VAV3: variants seen among roughly 807,000 people sequenced by gnomAD.
The protein encoded by VAV3 is vav guanine nucleotide exchange factor 3, also known as guanine nucleotide exchange factor VAV3.
In VAV3, 94 loss-of-function variants were observed where a neutral mutation model predicts 131.2. The ratio of observed to expected loss-of-function variants is 0.72; its 90% CI spans 0.61 to 0.85. The LOEUF (loss-of-function observed/expected upper bound fraction) is 0.85. Ranked by LOEUF, VAV3 falls within the 40% of genes least tolerant of loss-of-function variation. The pLI, the probability that VAV3 is intolerant of heterozygous loss-of-function variation, is 0.00. For missense variants in VAV3, 939 were observed against 1,002.7 expected (o/e 0.94, Z 0.86); for synonymous variants, 349 against 342.0 (o/e 1.02, Z -0.22).
chr1:107,680,844 C>T (rs1173767607), intron 19 of VAV3, among the ~76,000 whole-genome samples: 1 of 152,150 alleles, frequency 6.6e-6, no homozygotes, highest in African/African-American at 2.4e-5. Flanking sequence ...AGCAAGTAAA[C>T]AGCTAAGGCC....
At chr1:107,710,360 G>A (rs893474548) in intron 15 of VAV3, among the ~76,000 whole-genome samples, 1 of 152,158 alleles carries the variant, frequency 6.6e-6, no homozygotes, top group Non-Finnish European at 1.5e-5. Flanking sequence ...GCAAATGTCA[G>A]TGCTTCAAAA....
At chr1:107,663,648 G>A (rs1657200419) in intron 19 of VAV3, among the ~76,000 whole-genome samples, 2 of 152,272 alleles carry the variant, frequency 1.3e-5, no homozygotes, top group South Asian at 4.2e-4. Context: ...GCAAAATGAA[G>A]CATTTGGTAG....
intron 19 of VAV3, among the ~76,000 whole-genome samples, chr1:107,669,757 GGAAGGCAGAAGAA>G (rs1394655113): frequency 6.6e-6 from 1 of 151,820 alleles, no homozygotes; most frequent in Non-Finnish European, 1.5e-5. Context: ...ATTTTAAATT[GGAAGGCAGAAGAA>G]AAGAGGTAAA....
chr1:107,637,854 T>C (rs968878266), intron 20 of VAV3, among the ~76,000 whole-genome samples: 1 of 152,184 alleles, frequency 6.6e-6, no homozygotes, highest in Non-Finnish European at 1.5e-5. Context: ...TGAAACAATA[T>C]ATAAAAAAGA....
At chr1:107,957,496 T>C (rs1266351338) in intron 1 of VAV3, among the ~76,000 whole-genome samples, 1 of 152,162 alleles carries the variant, frequency 6.6e-6, no homozygotes, top group Non-Finnish European at 1.5e-5. Context: ...AGGCTGTCAG[T>C]ATGAATTTGG....
chr1:107,841,675 T>G (rs560192851), intron 2 of VAV3, among the ~76,000 whole-genome samples: 1 of 152,220 alleles, frequency 6.6e-6, no homozygotes, highest in Non-Finnish European at 1.5e-5. Context: ...ATTCAAGTAT[T>G]ATTTTTCATT....
chr1:107,665,668 T>C (rs889589546), intron 19 of VAV3, among the ~76,000 whole-genome samples: 1 of 152,168 alleles, frequency 6.6e-6, no homozygotes, highest in African/African-American at 2.4e-5. Context: ...GCTAACTAGT[T>C]TTACATACCT....
At chr1:107,682,389 A>G (rs1462034979) in intron 19 of VAV3, among the ~76,000 whole-genome samples, 1 of 152,182 alleles carries the variant, frequency 6.6e-6, no homozygotes, top group African/African-American at 2.4e-5. Context: ...ATATACCCCT[A>G]CTGAAAATAA....
chr1:107,755,517 G>A lies in VAV3; in HGVS notation c.1087-4C>T, dbSNP rs753969300. The stretch of plus-strand genomic sequence containing the variant: ...CATTCACATATTGTGCCAAGTCCTA[G>A]ACAATAAAGAAAAGGGTAGAAAAAG... On this transcript the variant is annotated splice_region_variant and splice_polypyrimidine_tract_variant and intron_variant, in intron 11 of 26. Coordinates refer to ENST00000370056, the MANE Select transcript of VAV3 (RefSeq NM_006113.5). 6 of 1,607,246 alleles carry A rather than the reference G, an allele frequency of 3.7e-6. No individual in the cohort carries two copies. The highest frequency in any genetic ancestry group is 5.1e-6 in the Non-Finnish European group (6 of 1,175,438).
At chr1:107,817,437 A>C (rs937108763) in intron 2 of VAV3, among the ~76,000 whole-genome samples, 2 of 152,196 alleles carry the variant, frequency 1.3e-5, no homozygotes, top group African/African-American at 4.8e-5. Context: ...GAAACTGGAC[A>C]AGCTGGTTAG....
chr1:107,953,668 T>TAG (rs913442433), intron 1 of VAV3, among the ~76,000 whole-genome samples: 7 of 152,226 alleles, frequency 4.6e-5, no homozygotes, highest in African/African-American at 1.7e-4. Context: ...GATCTGGGAC[T>TAG]AGAACCCAGG....
rs1234186094 is a variant in VAV3, at chr1:107,919,498, T to A, written c.205-44481A>T. Among the ~76,000 whole-genome samples, 3 of 152,216 alleles carry A rather than the reference T, an allele frequency of 2.0e-5. No individual in the cohort carries two copies. The East Asian group carries it at 5.8e-4, about 29-fold the overall frequency. On this transcript the variant is annotated intron_variant, in intron 1 of 26. Transcript: ENST00000370056. ...AGTACAAAAAGTCTAAGAATTTATC[T>A]TCTACAAGACTATTGTTTTAAATAT...
intron 2 of VAV3, among the ~76,000 whole-genome samples, chr1:107,803,727 G>A (rs1361628893): frequency 6.6e-6 from 1 of 152,056 alleles, no homozygotes; most frequent in East Asian, 1.9e-4. Context: ...TTCTACAACA[G>A]CTGGGTGACA....
At chr1:107,822,290 A>G (rs763733158) in intron 2 of VAV3, among the ~76,000 whole-genome samples, 10 of 152,120 alleles carry the variant, frequency 6.6e-5, no homozygotes, top group Non-Finnish European at 1.5e-4. Context: ...GCAAAGGGTT[A>G]TATTTGCATT....
At chr1:107,946,752 T>G (rs547356495) in intron 1 of VAV3, among the ~76,000 whole-genome samples, 31 of 152,358 alleles carry the variant, frequency 2.0e-4, no homozygotes, top group Non-Finnish European at 3.4e-4. Flanking sequence ...CTATGTGACC[T>G]TGAAGAAATT....
chr1:107,616,609 A>G (rs552478929), intron 21 of VAV3, among the ~76,000 whole-genome samples: 69 of 152,338 alleles, frequency 4.5e-4, no homozygotes, highest in Non-Finnish European at 6.8e-4. Flanking sequence ...CAAATGTGAT[A>G]TTAGATCACA....
At chr1:107,958,839 C>T (rs1356053278) in intron 1 of VAV3, among the ~76,000 whole-genome samples, 2 of 152,110 alleles carry the variant, frequency 1.3e-5, no homozygotes, top group Non-Finnish European at 1.5e-5. Context: ...CATATGTTCT[C>T]ATTCTTCATA....
chr1:107,595,784 T>C (rs1651330472), intron 25 of VAV3, among the ~76,000 whole-genome samples: 1 of 152,162 alleles, frequency 6.6e-6, no homozygotes, highest in African/African-American at 2.4e-5. Context: ...ATTCTTAAAG[T>C]AGTCATTGAA....
intron 15 of VAV3, among the ~76,000 whole-genome samples, chr1:107,714,290 T>G (rs1480043833): frequency 3.9e-5 from 6 of 152,076 alleles, no homozygotes; most frequent in Non-Finnish European, 8.8e-5. Context: ...GAATTACCAA[T>G]TAAACATTAA....
Sources: gnomAD v4.1 joint callset for allele counts (sites outside exome capture counted in the v4.1 genomes callset) on GRCh38, gnomAD v4.1.1 for gene constraint, MANE v1.5 for transcripts, NCBI Gene and HGNC (gene_info 2026-07-23, HGNC 2026-07-21) for gene names.